Variants in FBXL17 observed in about 807,000 individuals in gnomAD.
The protein encoded by FBXL17 is F-box/LRR-repeat protein 17.
In FBXL17, 22 loss-of-function variants were observed where a neutral mutation model predicts 66.2. The ratio of observed to expected loss-of-function variants is 0.33; its 90% confidence interval spans 0.24 to 0.47. The LOEUF is 0.47. Among genes scored for constraint, FBXL17 ranks in the 20% least tolerant of loss-of-function variants. The probability of loss-of-function intolerance (pLI) is 1.00; values close to 1 mark genes in which losing one functional copy is unlikely to be tolerated. For synonymous variants in FBXL17, 474 were observed against 400.5 expected (o/e 1.18, Z -2.19); for missense variants, 878 against 948.2 (o/e 0.93, Z 0.97).
At chr5:107,942,111 G>A (rs1012519691) in intron 7 of FBXL17, among the ~76,000 whole-genome samples, 1 of 152,132 alleles carries the variant, frequency 6.6e-6, no homozygotes, top group Non-Finnish European at 1.5e-5. Context: ...GCACAGGGCT[G>A]AGGGCGTACA....
At position 107,929,679 on chromosome 5, in the gene FBXL17, G is replaced by A. The variant is rs796637791; in HGVS notation, c.1823-48500C>T. On this transcript the variant is annotated intron_variant, in intron 7 of 8. Transcript: ENST00000542267. ...ATGATTCCAAGAAATATCTGCTGAT[G>A]TATCCAGAGGACCCCATAATGTGTT... Among the ~76,000 whole-genome samples, 21 of 152,180 alleles carry A rather than the reference G, an allele frequency of 1.4e-4. 1 individual carries two copies. The highest frequency in any genetic ancestry group is 4.6e-4 in the African/African-American group (19 of 41,544).
intron 6 of FBXL17, among the ~76,000 whole-genome samples, chr5:108,108,168 A>G (rs1039264211): frequency 6.6e-6 from 1 of 152,204 alleles, no homozygotes; most frequent in Non-Finnish European, 1.5e-5. Context: ...GCTGTATTTC[A>G]AACTGCAAAC....
intron 6 of FBXL17, among the ~76,000 whole-genome samples, chr5:108,143,191 A>G (rs1188737438): frequency 6.6e-6 from 1 of 152,020 alleles, no homozygotes; most frequent in Admixed American, 6.6e-5. Context: ...GGTGCCAAAA[A>G]GGTTGGGGAC....
chr5:108,014,194 T>C (rs1754293623), intron 7 of FBXL17, among the ~76,000 whole-genome samples: 1 of 152,092 alleles, frequency 6.6e-6, no homozygotes, highest in South Asian at 2.1e-4. Flanking sequence ...ATGTTAAAAA[T>C]AGCTAGTTAA....
chr5:108,091,632 A>T (rs1388006118), intron 6 of FBXL17, among the ~76,000 whole-genome samples: 2 of 152,128 alleles, frequency 1.3e-5, no homozygotes, highest in Non-Finnish European at 2.9e-5. Context: ...ATGTTTCTTG[A>T]GAATGGGAAT....
At chr5:107,958,385 T>C (rs2112621590) in intron 7 of FBXL17, among the ~76,000 whole-genome samples, 1 of 152,292 alleles carries the variant, frequency 6.6e-6, no homozygotes. Context: ...GAACTAAACA[T>C]GTACTATATG....
intron 4 of FBXL17, among the ~76,000 whole-genome samples, chr5:108,253,416 C>T (rs1580695580): frequency 6.6e-6 from 1 of 152,144 alleles, no homozygotes; most frequent in Non-Finnish European, 1.5e-5. Context: ...GAAATACCAC[C>T]TCTCCACTCA....
chr5:108,032,587 C>T (rs1157118315), intron 6 of FBXL17, among the ~76,000 whole-genome samples: 3 of 152,088 alleles, frequency 2.0e-5, no homozygotes, highest in Non-Finnish European at 2.9e-5. Flanking sequence ...AATATTACTA[C>T]AGAAACAGAG....
At chr5:108,218,145 A>G (rs1754693899) in intron 5 of FBXL17, among the ~76,000 whole-genome samples, 1 of 150,414 alleles carries the variant, frequency 6.6e-6, no homozygotes, top group South Asian at 2.1e-4. Context: ...AGCTGGGACT[A>G]TAGGCGCCTG....
chr5:108,285,311 C>T lies in FBXL17; in HGVS notation c.1507-61083G>A, dbSNP rs572470559. Among the ~76,000 whole-genome samples the T allele has an allele frequency of 2.5e-4, 38 of 151,962 alleles. No individual in the cohort carries two copies. The South Asian group carries it at 7.9e-3, about 32-fold the overall frequency. ...TTCTGTTTAATGTTTATATTTTGGC[C>T]TCCTCCCATGAATGATGAATGTTCT... On this transcript the variant is annotated intron_variant, in intron 4 of 8. Coordinates refer to ENST00000542267, the MANE Select transcript of FBXL17 (RefSeq NM_001163315.3).
intron 4 of FBXL17, among the ~76,000 whole-genome samples, chr5:108,285,787 TATATAATA>T (rs985563889): frequency 1.1e-4 from 16 of 151,070 alleles, no homozygotes; most frequent in African/African-American, 3.9e-4. Context: ...AACCATAACA[TATATAATA>T]ATAATGGAAA....
At chr5:108,152,558 G>A (rs1018107755) in intron 6 of FBXL17, among the ~76,000 whole-genome samples, 49 of 152,288 alleles carry the variant, frequency 3.2e-4, no homozygotes, top group African/African-American at 1.2e-3. Flanking sequence ...GATTCAGTCT[G>A]TCAGCTGATA....
intron 4 of FBXL17, among the ~76,000 whole-genome samples, chr5:108,292,049 T>C (rs1330605251): frequency 2.6e-5 from 4 of 152,148 alleles, no homozygotes; most frequent in Admixed American, 2.6e-4. Flanking sequence ...GATGTTACTC[T>C]TCTATTCAAA....
At chr5:108,373,623 A>G (rs1456507361) in intron 1 of FBXL17, among the ~76,000 whole-genome samples, 1 of 152,152 alleles carries the variant, frequency 6.6e-6, no homozygotes, top group East Asian at 1.9e-4. Context: ...GTTAAGACAC[A>G]TAAGGCCAGG....
chr5:108,145,941 G>A (rs777838817), intron 6 of FBXL17, among the ~76,000 whole-genome samples: 2 of 151,914 alleles, frequency 1.3e-5, no homozygotes, highest in African/African-American at 4.8e-5. Context: ...TCATCAGGCC[G>A]GGTGCAGTGG....
At chr5:107,923,043 C>A (rs974776962) in intron 7 of FBXL17, among the ~76,000 whole-genome samples, 3 of 152,024 alleles carry the variant, frequency 2.0e-5, no homozygotes, top group Admixed American at 2.0e-4. Flanking sequence ...AGTGGCAAAG[C>A]CCTTTTTGAA....
At chr5:108,091,359 T>C (rs539600063) in intron 6 of FBXL17, among the ~76,000 whole-genome samples, 36 of 152,322 alleles carry the variant, frequency 2.4e-4, no homozygotes, top group Middle Eastern at 6.8e-3. Flanking sequence ...CTTGAGTAAA[T>C]GTTATAAACA....
intron 8 of FBXL17, among the ~76,000 whole-genome samples, chr5:107,873,969 G>T (rs967505205): frequency 6.6e-6 from 1 of 152,082 alleles, no homozygotes; most frequent in African/African-American, 2.4e-5. Flanking sequence ...AACATAAGCA[G>T]CTACTTGCAG....
intron 3 of FBXL17, among the ~76,000 whole-genome samples, chr5:108,351,859 T>C (rs1332136437): frequency 6.6e-6 from 1 of 152,230 alleles, no homozygotes; most frequent in Admixed American, 6.5e-5. Flanking sequence ...GGTGAAGTCT[T>C]AGACATCAAT....
Sources: allele counts gnomAD v4.1 joint callset (sites outside exome capture counted in the v4.1 genomes callset), GRCh38; gene constraint gnomAD v4.1.1; transcripts MANE v1.5; gene names NCBI Gene and HGNC (gene_info 2026-07-23, HGNC 2026-07-21).